RNF130: variants seen among roughly 807,000 people sequenced by gnomAD.
RNF130 encodes the protein E3 ubiquitin-protein ligase RNF130.
Under a neutral mutation model 44.6 loss-of-function variants are expected in RNF130, and 21 were observed. The ratio of observed to expected loss-of-function variants is 0.47; its 90% CI spans 0.33 to 0.68. RNF130 has a LOEUF of 0.68. RNF130 is among the 30% of genes least tolerant of loss of function. The pLI is 0.02. For synonymous variants in RNF130, 214 were observed against 210.4 expected, an observed-to-expected ratio of 1.02 and a Z score of -0.15; for missense variants, 479 against 560.6, an observed-to-expected ratio of 0.85 and a Z score of 1.47.
intron 3 of RNF130, among the ~76,000 whole-genome samples, chr5:179,999,696 G>A (rs772283617): frequency 8.5e-5 from 13 of 152,092 alleles, no homozygotes; most frequent in South Asian, 6.2e-4. Flanking sequence ...CAGCCTAGGC[G>A]AGCAAGCGAG....
intron 1 of RNF130, among the ~76,000 whole-genome samples, chr5:180,057,298 C>T (rs1018097136): frequency 9.2e-5 from 14 of 152,234 alleles, no homozygotes; most frequent in East Asian, 1.9e-4. Flanking sequence ...CCTGTAATCC[C>T]AGCACTTTGG....
chr5:179,993,254 G>A (rs535123092), intron 3 of RNF130, among the ~76,000 whole-genome samples: 48 of 152,298 alleles, frequency 3.2e-4, no homozygotes, highest in African/African-American at 1.0e-3. Flanking sequence ...TGGGATGGCT[G>A]GGTCAAATGG....
At chr5:180,043,188 G>C (rs1764468027) in intron 1 of RNF130, among the ~76,000 whole-genome samples, 1 of 152,176 alleles carries the variant, frequency 6.6e-6, no homozygotes, top group Non-Finnish European at 1.5e-5. Context: ...AGCTAGGCAT[G>C]GTGGCACGCA....
intron 7 of RNF130, among the ~76,000 whole-genome samples, chr5:179,922,479 A>C (rs1761648698): frequency 6.6e-6 from 1 of 151,748 alleles, no homozygotes; most frequent in African/African-American, 2.4e-5. Context: ...TGCCCAGCTA[A>C]TTTTTGTATT....
intron 2 of RNF130, among the ~76,000 whole-genome samples, chr5:180,033,880 A>C (rs907477834): frequency 4.6e-5 from 7 of 152,120 alleles, no homozygotes; most frequent in East Asian, 3.8e-4. Flanking sequence ...GATGTCTTTT[A>C]TTTCTTTCTT....
intron 3 of RNF130, among the ~76,000 whole-genome samples, chr5:179,982,431 T>C (rs965039601): frequency 1.3e-5 from 2 of 152,126 alleles, no homozygotes; most frequent in South Asian, 2.1e-4. Context: ...GCTCACCTGA[T>C]AGTTGTCTGA....
At chr5:179,934,017 G>A in intron 7 of RNF130, 1 of 339,006 alleles carries the variant, frequency 2.9e-6, no homozygotes, top group Admixed American at 4.6e-5. Flanking sequence ...GCTCACAACA[G>A]TGTTCCCAGC....
At chr5:179,987,054 CTTTG>C (rs1034533888) in intron 3 of RNF130, among the ~76,000 whole-genome samples, 9 of 152,232 alleles carry the variant, frequency 5.9e-5, no homozygotes, top group African/African-American at 1.7e-4. Context: ...TTGGTGAACT[CTTTG>C]TTTTTTTTCT....
intron 1 of RNF130, among the ~76,000 whole-genome samples, chr5:180,040,982 G>T (rs773971678): frequency 1.4e-4 from 22 of 152,200 alleles, no homozygotes; most frequent in Non-Finnish European, 2.9e-4. Context: ...GAGAAACCCA[G>T]GTGACTGATG....
At chr5:180,041,922 G>A (rs1180920010) in intron 1 of RNF130, among the ~76,000 whole-genome samples, 3 of 152,106 alleles carry the variant, frequency 2.0e-5, no homozygotes, top group African/African-American at 7.2e-5. Context: ...AAAAAAATTA[G>A]CTGGGTGTGG....
intron 2 of RNF130, among the ~76,000 whole-genome samples, chr5:180,033,595 C>T (rs1190450785): frequency 6.6e-6 from 1 of 151,894 alleles, no homozygotes; most frequent in Non-Finnish European, 1.5e-5. Flanking sequence ...GAGTCTGAGG[C>T]AGGAGAATCA....
chr5:180,026,548 T>C (rs996043089), intron 2 of RNF130, among the ~76,000 whole-genome samples: 2 of 152,170 alleles, frequency 1.3e-5, no homozygotes, highest in Admixed American at 6.5e-5. Flanking sequence ...AATGACGTCA[T>C]GGACAGGGCA....
chr5:180,005,017 T>C (rs999993428), intron 3 of RNF130, among the ~76,000 whole-genome samples: 1 of 152,156 alleles, frequency 6.6e-6, no homozygotes, highest in Non-Finnish European at 1.5e-5. Context: ...CCTCTCTACA[T>C]AACCTTATTT....
At chr5:179,928,557 T>C (rs860707) in intron 7 of RNF130, among the ~76,000 whole-genome samples, 1 of 152,180 alleles carries the variant, frequency 6.6e-6, no homozygotes, top group African/African-American at 2.4e-5. Flanking sequence ...TCTCCTTTAT[T>C]GTGACTGTGA....
chr5:180,049,565 C>A (rs556666212), intron 1 of RNF130, among the ~76,000 whole-genome samples: 55 of 152,286 alleles, frequency 3.6e-4, no homozygotes, highest in African/African-American at 1.3e-3. Flanking sequence ...ACAAGTATTA[C>A]CATGTCACAG....
At chr5:179,949,955 C>CT (rs998624701) in intron 7 of RNF130, among the ~76,000 whole-genome samples, 2 of 152,180 alleles carry the variant, frequency 1.3e-5, no homozygotes, top group African/African-American at 2.4e-5. Context: ...CTATATGATA[C>CT]TTTAACTTCT....
chr5:180,059,116 C>G (rs919743510), intron 1 of RNF130, among the ~76,000 whole-genome samples: 1 of 152,192 alleles, frequency 6.6e-6, no homozygotes, highest in Non-Finnish European at 1.5e-5. Flanking sequence ...CACTCTCCCC[C>G]TTACTCTCTA....
At chr5:180,060,935 A>AGGTG (rs1764969450) in intron 1 of RNF130, among the ~76,000 whole-genome samples, 1 of 151,764 alleles carries the variant, frequency 6.6e-6, no homozygotes, top group Non-Finnish European at 1.5e-5. Flanking sequence ...TGGGCGAGGT[A>AGGTG]GTGGGCGCCT....
chr5:179,922,408 G>A lies in RNF130; in HGVS notation c.1151-1982C>T, dbSNP rs185152143. 7.6e-3 allele frequency among the ~76,000 whole-genome samples: 1,161 copies of A among 152,146 alleles called. 7 individuals are homozygous for A. Among genetic ancestry groups the A allele is most frequent in the Middle Eastern group, 0.017 (5 of 292 alleles). On this transcript the variant is annotated intron_variant, in intron 7 of 7. Transcript: ENST00000522208. ...GCTCACTGCAACCTCCACCTCCTGG[G>A]TTCAAGAGATTCTTGTGCCTCAGCC...
Sources: gnomAD v4.1 joint callset for allele counts (sites outside exome capture counted in the v4.1 genomes callset) on GRCh38, gnomAD v4.1.1 for gene constraint, MANE v1.5 for transcripts, NCBI Gene and HGNC (gene_info 2026-07-23, HGNC 2026-07-21) for gene names.